AXIN1: variants seen among roughly 807,000 people sequenced by gnomAD.
AXIN1 encodes axin 1.
A neutral mutation model predicts 76.4 loss-of-function variants in AXIN1; 30 were observed. The observed-to-expected ratio is 0.39, with a 90% CI of 0.29 to 0.53. The LOEUF (loss-of-function observed/expected upper bound fraction) is 0.53. Among genes scored for constraint, AXIN1 ranks in the 20% least tolerant of loss-of-function variants. The pLI, the probability that AXIN1 is intolerant of heterozygous loss-of-function variation, is 0.66. For missense variants in AXIN1, 1,140 were observed against 1,198.8 expected (o/e 0.95, Z 0.72); for synonymous variants, 545 against 501.4 (o/e 1.09, Z -1.16).
chr16:299,250 A>G (rs763209885), intron 5 of AXIN1: 15 of 977,034 alleles, frequency 1.5e-5, no homozygotes, highest in African/African-American at 3.5e-5. Context: ...GTTGCATCTC[A>G]TACTTATTTT....
At chr16:303,539 C>T (rs1016430728) in intron 5 of AXIN1, among the ~76,000 whole-genome samples, 3 of 151,982 alleles carry the variant, frequency 2.0e-5, no homozygotes, top group Non-Finnish European at 4.4e-5. Flanking sequence ...CTGACACCAA[C>T]CCGGCTAATT....
At position 287,649 on chromosome 16, in the gene AXIN1, TCA is replaced by T. The variant is rs746350083; in HGVS notation, c.*471_*472del. The T allele has an allele frequency of 1.3e-5, 4 of 317,158 alleles. No homozygotes were observed. Among genetic ancestry groups the T allele is most frequent in the Non-Finnish European group, 2.4e-5 (4 of 169,002 alleles). The allele number at this position is 317,158 out of a possible 1,614,324, so 19.6% of individuals were successfully genotyped here. ...GCAGGTGCAGTGCTCCGTCGCCGAT[TCA>T]CACAGTGGCAGGCAAGAGACAAGCT... On this transcript the variant is annotated 3_prime_UTR_variant, in exon 11 of 11. Transcript: ENST00000262320.
chr16:291,883 T>A (rs2052570566), intron 8 of AXIN1: 1 of 166,358 alleles, frequency 6.0e-6, no homozygotes, highest in African/African-American at 2.4e-5. Flanking sequence ...GGGCCTTCAC[T>A]CCGTCTCCAC....
At chr16:306,718 G>A (rs2053036624) in intron 4 of AXIN1, among the ~76,000 whole-genome samples, 1 of 152,226 alleles carries the variant, frequency 6.6e-6, no homozygotes, top group Non-Finnish European at 1.5e-5. Context: ...GGAGTATGAA[G>A]GGGCCAAGGG....
intron 8 of AXIN1, chr16:291,673 G>A (rs558613701): frequency 4.4e-5 from 16 of 361,088 alleles, no homozygotes; most frequent in African/African-American, 2.7e-4. Flanking sequence ...CGATAGCGTG[G>A]ACACTGGCTC....
chr16:327,350 C>T (rs2053605985), intron 2 of AXIN1, among the ~76,000 whole-genome samples: 1 of 152,166 alleles, frequency 6.6e-6, no homozygotes, highest in African/African-American at 2.4e-5. Flanking sequence ...TTCTCGGTCA[C>T]TCAGGGTGGC....
intron 5 of AXIN1, among the ~76,000 whole-genome samples, 166 bp downstream of exon 5, chr16:304,138 G>A (rs1756219031): frequency 6.6e-6 from 1 of 152,208 alleles, no homozygotes; most frequent in Non-Finnish European, 1.5e-5. Flanking sequence ...CTTGAGCTGG[G>A]GCTCGGCTGC....
At chr16:315,024 C>A (rs7198225) in intron 2 of AXIN1, among the ~76,000 whole-genome samples, 81,415 of 151,992 alleles carry the variant, frequency 0.54, 22,458 homozygotes, top group South Asian at 0.7. Flanking sequence ...GCTCATTCTG[C>A]AGTGCGCGTC....
At chr16:291,146 G>C (rs2052546125) in intron 9 of AXIN1, 44 bp downstream of exon 9, 2 of 1,539,248 alleles carry the variant, frequency 1.3e-6, no homozygotes, top group South Asian at 1.2e-5. Context: ...GGGACGCCAG[G>C]GCTGGGGTGG....
intron 2 of AXIN1, among the ~76,000 whole-genome samples, chr16:326,858 T>G (rs2053595171): frequency 1.3e-5 from 2 of 150,168 alleles, no homozygotes; most frequent in Non-Finnish European, 3.0e-5. Flanking sequence ...TTGCCAGCAC[T>G]GGCCGGGTGT....
rs2141709737 is a variant in AXIN1 at position 346,970 on chromosome 16, T to C, written c.56A>G (p.Asp19Gly). The C allele has an allele frequency of 1.2e-6, 2 of 1,614,228 alleles. No individual in the cohort carries two copies. Among genetic ancestry groups the C allele is most frequent in the Admixed American group, 1.7e-5 (1 of 60,026 alleles). The change falls in exon 2 of 11, where the codon GAT (aspartate) becomes GGT (glycine). Residue 19 changes from aspartate (D) to glycine (G), a missense_variant. Asp to Gly is a moderately conservative substitution (Grantham distance 94). This residue lies in a region of AXIN1 where 708 missense variants were observed against 776.9 expected (regional missense o/e 0.91). Transcript: ENST00000262320. Reference protein sequence around the residue: ...PLDLGASFTEDAPRPPVPGEE... With the variant: ...PLDLGASFTEGAPRPPVPGEE... ...ACCAGGCACTGGGGGTCGGGGAGCA[T>C]CTTCGGTGAAACTTGCTCCGAGGTC...
At chr16:298,620 A>G (rs980372530) in intron 5 of AXIN1, among the ~76,000 whole-genome samples, 1 of 151,530 alleles carries the variant, frequency 6.6e-6, no homozygotes, top group Non-Finnish European at 1.5e-5. Flanking sequence ...CGATCCTCCC[A>G]CCTCAGCCTC....
rs1010610325 is a variant in AXIN1 at position 347,005 on chromosome 16, A to G, written c.21T>C (p.Gly7=). ...AACTTGCTCCGAGGTCCAAGGGGAAACCCTGCTCTTGGATATTCATTTTGG... is the reference window on the plus strand; with the variant it reads ...AACTTGCTCCGAGGTCCAAGGGGAAGCCCTGCTCTTGGATATTCATTTTGG... The part of the protein sequence containing the change: MNIQEQ[G]FPLDLGASFT... The change falls in exon 2 of 11, where the codon GGT becomes GGC. Residue 7 remains glycine (G), a synonymous_variant. Transcript: ENST00000262320. 1 of 1,614,034 alleles carries G rather than the reference A, an allele frequency of 6.2e-7. No homozygotes were observed. Among genetic ancestry groups the G allele is most frequent in the African/African-American group, 1.3e-5 (1 of 74,920 alleles).
At chr16:340,118 G>T (rs563400444) in intron 2 of AXIN1, among the ~76,000 whole-genome samples, 17 of 151,632 alleles carry the variant, frequency 1.1e-4, no homozygotes, top group Non-Finnish European at 1.9e-4. Flanking sequence ...ATAAACTAAT[G>T]AGCAGGTCCG....
In AXIN1 at chr16:289,604, T is replaced by C. The variant is rs1376613654; in HGVS notation, c.2298A>G (p.Thr766=). 1.9e-6 allele frequency: 3 copies of C among 1,612,750 alleles called. No individual in the cohort carries two copies. Among genetic ancestry groups the C allele is most frequent in the Admixed American group, 1.7e-5 (1 of 60,002 alleles). The change falls in exon 10 of 11, where the codon ACA becomes ACG. Residue 766 remains threonine, a synonymous_variant. Transcript: ENST00000262320. ...VSDMELSETE[T]RSQRKVGGGS... ...CGCCGCCCACCTTCCTCTGCGATCTTGTCCTGGGGAAAGAGATGCAGCGGT... is the reference window on the plus strand; with the variant it reads ...CGCCGCCCACCTTCCTCTGCGATCTCGTCCTGGGGAAAGAGATGCAGCGGT...
intron 2 of AXIN1, among the ~76,000 whole-genome samples, chr16:332,052 T>A (rs950245494): frequency 6.6e-6 from 1 of 152,134 alleles, no homozygotes; most frequent in Non-Finnish European, 1.5e-5. Context: ...CCACACCTCG[T>A]TAGGGGCTCG....
chr16:297,939 T>C lies in AXIN1; in HGVS notation c.1567A>G (p.Lys523Glu), dbSNP rs2141511835. The C allele has an allele frequency of 6.2e-7, 1 of 1,601,698 alleles. No homozygotes were observed. Among genetic ancestry groups the C allele is most frequent in the Admixed American group, 1.7e-5 (1 of 59,770 alleles). Residue 523 changes from lysine (K) to glutamate (E), a missense_variant, in exon 6 of 11, where the codon AAG becomes GAG. Lys to Glu is a moderately conservative substitution (Grantham distance 56). Around this residue, in one of 3 missense-constraint regions of AXIN1, gnomAD observed 708 missense variants for 776.9 expected, o/e 0.91. Transcript: ENST00000262320. ...TGGTGCAGGCCGGCCGCGTCCAGCT[T>C]CGCCCCTGACTTGGGTACGTGCTTC... ...HGKHVPKSGAKLDAAGLHHHR... is the reference protein window; with the variant it reads ...HGKHVPKSGAELDAAGLHHHR...
chr16:330,718 A>G (rs1040322284), intron 2 of AXIN1, among the ~76,000 whole-genome samples: 1 of 152,216 alleles, frequency 6.6e-6, no homozygotes, highest in Non-Finnish European at 1.5e-5. Context: ...TAACATTTAA[A>G]AAGTAGAACA....
At chr16:339,148 C>G (rs554446939) in intron 2 of AXIN1, among the ~76,000 whole-genome samples, 3 of 135,622 alleles carry the variant, frequency 2.2e-5, no homozygotes, top group Non-Finnish European at 4.6e-5. Context: ...GAGGCCGAGA[C>G]GGGCAGATCA....
Sources: allele counts gnomAD v4.1 joint callset (sites outside exome capture counted in the v4.1 genomes callset), GRCh38; gene constraint gnomAD v4.1.1; regional missense constraint gnomAD v4.1.1; transcripts MANE v1.5; gene names NCBI Gene and HGNC (gene_info 2026-07-23, HGNC 2026-07-21).